DOCK3: variants seen among roughly 807,000 people sequenced by gnomAD.
DOCK3 encodes the protein dedicator of cytokinesis protein 3.
Under a neutral mutation model 265.6 loss-of-function variants are expected in DOCK3, and 60 were observed. The observed-to-expected ratio is 0.23, with a 90% CI of 0.18 to 0.28. The LOEUF is 0.28. Ranked by LOEUF, DOCK3 falls within the 10% of genes least tolerant of loss-of-function variation. DOCK3 has a pLI of 1.00. For synonymous variants in DOCK3, 881 were observed against 938.0 expected, an observed-to-expected ratio of 0.94 and a Z score of 1.11; for missense variants, 1,981 against 2,594.3, an observed-to-expected ratio of 0.76 and a Z score of 5.14.
At chr3:50,893,642 C>T (rs1422549433) in intron 4 of DOCK3, among the ~76,000 whole-genome samples, 7 of 151,786 alleles carry the variant, frequency 4.6e-5, no homozygotes. Context: ...AACCAATATG[C>T]TCAATATGGA....
chr3:50,688,394 A>T (rs953332867), intron 1 of DOCK3, among the ~76,000 whole-genome samples: 1 of 152,218 alleles, frequency 6.6e-6, no homozygotes, highest in Non-Finnish European at 1.5e-5. Context: ...TATACAAAGC[A>T]CTTGGAGAAT....
intron 5 of DOCK3, among the ~76,000 whole-genome samples, chr3:50,937,228 G>C (rs949035383): frequency 9.6e-5 from 13 of 135,746 alleles, no homozygotes; most frequent in Non-Finnish European, 1.1e-4. Context: ...AGTAAGCCAA[G>C]ATTGTGCCAT....
rs2088716315 is a variant in DOCK3 at position 51,382,506 on chromosome 3, A to G, written c.*947A>G. 6.5e-6 allele frequency: 1 copy of G among 152,700 alleles called. No individual in the cohort carries two copies. Among genetic ancestry groups the G allele is most frequent in the African/African-American group, 2.4e-5 (1 of 41,462 alleles). 9.5% of individuals were successfully genotyped at this position (152,700 alleles called of 1,614,324 possible). On this transcript the variant is annotated 3_prime_UTR_variant, in exon 53 of 53. Transcript: ENST00000266037. Reference sequence around the variant, plus strand: ...ATCCTCAAAGCTTTCAGAAGCATCCAGAATGCCTACCATCAGCTCCTGAAT... The same window carrying G: ...ATCCTCAAAGCTTTCAGAAGCATCCGGAATGCCTACCATCAGCTCCTGAAT...
chr3:51,360,082 C>CTA (rs2086621901), intron 46 of DOCK3, among the ~76,000 whole-genome samples: 1 of 152,200 alleles, frequency 6.6e-6, no homozygotes, highest in Non-Finnish European at 1.5e-5. Context: ...AGAGCTGGGC[C>CTA]ATTTAGCAGT....
chr3:50,713,595 A>G (rs1344382799), intron 1 of DOCK3, among the ~76,000 whole-genome samples: 1 of 152,120 alleles, frequency 6.6e-6, no homozygotes, highest in East Asian at 1.9e-4. Context: ...TGTCTTAGGT[A>G]TGGTGGTGGC....
chr3:50,958,815 G>A (rs2076801929), intron 5 of DOCK3, among the ~76,000 whole-genome samples: 1 of 152,098 alleles, frequency 6.6e-6, no homozygotes, highest in African/African-American at 2.4e-5. Context: ...GAAAACTTCA[G>A]TGAGCCCCCC....
At chr3:50,967,966 C>T (rs959188849) in intron 5 of DOCK3, among the ~76,000 whole-genome samples, 1 of 152,148 alleles carries the variant, frequency 6.6e-6, no homozygotes, top group Non-Finnish European at 1.5e-5. Flanking sequence ...TTACTGTTTT[C>T]CATAATGGCT....
At chr3:51,023,777 G>T (rs746645348) in intron 5 of DOCK3, among the ~76,000 whole-genome samples, 2 of 151,898 alleles carry the variant, frequency 1.3e-5, no homozygotes, top group Non-Finnish European at 2.9e-5. Flanking sequence ...ATCCTTGACT[G>T]TTTTTTTAAT....
intron 12 of DOCK3, among the ~76,000 whole-genome samples, chr3:51,206,958 C>G (rs1322352873): frequency 1.3e-5 from 2 of 152,142 alleles, no homozygotes; most frequent in Non-Finnish European, 2.9e-5. Context: ...GAGAGGGCAT[C>G]TCTGGGTACA....
chr3:51,206,913 G>T (rs1016438096), intron 12 of DOCK3, among the ~76,000 whole-genome samples: 2 of 152,186 alleles, frequency 1.3e-5, no homozygotes, highest in African/African-American at 4.8e-5. Context: ...GGTGAATGCT[G>T]GAAGGGTATA....
At chr3:51,095,756 A>G (rs1213501319) in intron 9 of DOCK3, among the ~76,000 whole-genome samples, 1 of 149,926 alleles carries the variant, frequency 6.7e-6, no homozygotes, top group Non-Finnish European at 1.5e-5. Context: ...AATTCTTATA[A>G]CAGCATATAA....
chr3:51,111,136 T>G (rs925086085), intron 9 of DOCK3, among the ~76,000 whole-genome samples: 1 of 151,948 alleles, frequency 6.6e-6, no homozygotes. Context: ...AGGTGAGAGA[T>G]CTCTACAATG....
intron 32 of DOCK3, among the ~76,000 whole-genome samples, chr3:51,327,067 C>T (rs551050349): frequency 2.0e-5 from 3 of 152,268 alleles, no homozygotes; most frequent in East Asian, 1.9e-4. Context: ...TTTTACAGCA[C>T]GATTTTTTGA....
chr3:50,703,430 G>A (rs910375598), intron 1 of DOCK3, among the ~76,000 whole-genome samples: 11 of 152,086 alleles, frequency 7.2e-5, no homozygotes, highest in Non-Finnish European at 1.3e-4. Flanking sequence ...CTCTTCATAA[G>A]TTTGGTAGAA....
chr3:50,937,131 G>A (rs2051410065), intron 5 of DOCK3, among the ~76,000 whole-genome samples: 1 of 151,854 alleles, frequency 6.6e-6, no homozygotes, highest in Non-Finnish European at 1.5e-5. Context: ...AGAAAAATTA[G>A]CTAGACATGG....
At position 51,183,331 on chromosome 3, in the gene DOCK3, G is replaced by A. The variant is rs575583940; in HGVS notation, c.1037+22629G>A. ...CTAACCCATTCTTTGGTTTCTGGGT[G>A]TATTAAAGTGTGAAGGAATGGTGAG... On this transcript the variant is annotated intron_variant, in intron 12 of 52. Coordinates refer to ENST00000266037, the MANE Select transcript of DOCK3 (RefSeq NM_004947.5). Among the ~76,000 whole-genome samples, 3 of 152,198 alleles carry A rather than the reference G, an allele frequency of 2.0e-5. No homozygotes were observed. In the South Asian group the frequency reaches 6.2e-4, roughly 32 times the overall value.
intron 38 of DOCK3, among the ~76,000 whole-genome samples, chr3:51,342,463 A>G (rs181504182): frequency 2.6e-5 from 4 of 152,282 alleles, no homozygotes; most frequent in Admixed American, 2.6e-4. Context: ...AGAGCCCCTC[A>G]CATGCAGTTT....
intron 7 of DOCK3, among the ~76,000 whole-genome samples, chr3:51,083,399 T>C (rs771297591): frequency 1.7e-4 from 26 of 152,036 alleles, no homozygotes; most frequent in Non-Finnish European, 2.8e-4. Context: ...AAAGCAAAGA[T>C]ACATGACACT....
At chr3:51,221,959 A>G (rs1288181739) in intron 14 of DOCK3, among the ~76,000 whole-genome samples, 1 of 152,066 alleles carries the variant, frequency 6.6e-6, no homozygotes, top group Non-Finnish European at 1.5e-5. Flanking sequence ...CTCCCAGCAG[A>G]CCTCCATATT....
Sources: gnomAD v4.1 joint callset for allele counts (sites outside exome capture counted in the v4.1 genomes callset) on GRCh38, gnomAD v4.1.1 for gene constraint, MANE v1.5 for transcripts, NCBI Gene and HGNC (gene_info 2026-07-23, HGNC 2026-07-21) for gene names.